The following RADX variants were observed in gnomAD, a reference collection of about 807,000 sequenced individuals.
RADX encodes RPA-related protein RADX.
RADX carries 36 observed loss-of-function variants against 61.6 expected under a neutral mutation model. That is an observed-to-expected ratio of 0.58 (90% confidence interval 0.45 to 0.77). The LOEUF (loss-of-function observed/expected upper bound fraction) is 0.77. RADX is among the 30% of genes least tolerant of loss of function. The pLI, the probability that RADX is intolerant of heterozygous loss-of-function variation, is 0.00. For synonymous variants in RADX, 272 were observed against 237.9 expected (o/e 1.14, Z -1.32); for missense variants, 497 against 651.1 (o/e 0.76, Z 2.58).
chrX:106,618,055 AAG>A (rs1195044525), intron 1 of RADX, among the ~76,000 whole-genome samples: 2 of 112,289 alleles, frequency 1.8e-5, no homozygotes, highest in African/African-American at 6.5e-5. Flanking sequence ...ATGAAAATAA[AAG>A]AGAGGGGTTT....
intron 11 of RADX, among the ~76,000 whole-genome samples, chrX:106,660,517 G>T (rs1367336060): frequency 8.9e-6 from 1 of 111,987 alleles, no homozygotes; most frequent in Non-Finnish European, 1.9e-5. Context: ...CCTTGCTATT[G>T]CAGCCACCTT....
At chrX:106,656,364 A>G (rs1187324184) in intron 11 of RADX, among the ~76,000 whole-genome samples, 3 of 111,585 alleles carry the variant, frequency 2.7e-5, no homozygotes, top group African/African-American at 9.8e-5. Flanking sequence ...TGGGGTTTGG[A>G]ATCAATTTCT....
rs180755492 is a variant in RADX, at chrX:106,645,507, G to A, written c.1905-2806G>A. 1.9e-3 allele frequency among the ~76,000 whole-genome samples: 212 copies of A among 111,005 alleles called. 1 individual carries two copies. The highest frequency in any genetic ancestry group is 4.6e-3 in the Middle Eastern group (1 of 217). ...CAATTTTCTTCTTAATTTCTTCATT[G>A]ACACATTGGTAATTGAAGAATATGC... On this transcript the variant is annotated intron_variant, in intron 10 of 13. Transcript: ENST00000372548.
At chrX:106,663,399 C>A (rs1005109249) in intron 12 of RADX, among the ~76,000 whole-genome samples, 4 of 111,417 alleles carry the variant, frequency 3.6e-5, no homozygotes, top group Admixed American at 1.9e-4. Flanking sequence ...TGCTTTTTCA[C>A]TAGAATGTAT....
Position 106,612,060 on chromosome X carries a change from C to T in RADX, c.-21C>T, listed in dbSNP as rs755383077. 7 of 1,182,817 alleles carry T rather than the reference C, an allele frequency of 5.9e-6. No individual in the cohort carries two copies. In the South Asian group the frequency reaches 1.3e-4, roughly 23 times the overall value. On this transcript the variant is annotated 5_prime_UTR_variant, in exon 1 of 14. Coordinates refer to ENST00000372548, the MANE Select transcript of RADX (RefSeq NM_018015.6). The stretch of plus-strand genomic sequence containing the variant: ...GGCAAACTAGCTTTTGGGAGTGAAG[C>T]GGGTACGCAGTTATCCAACAATGTC...
chrX:106,640,701 T>C lies in RADX; in HGVS notation c.1884T>C (p.Leu628=). The C allele has an allele frequency of 8.4e-7, 1 of 1,192,041 alleles. No homozygotes were observed. The highest frequency in any genetic ancestry group is 1.1e-6 in the Non-Finnish European group (1 of 883,690). ...NLSLSNKIRI[L]QGPHANPVAV... ...GTCTGAGCAATAAAATAAGAATTCTTCAAGGCCCACACGCTAATCCGTAAG... is the reference window on the plus strand; with the variant it reads ...GTCTGAGCAATAAAATAAGAATTCTCCAAGGCCCACACGCTAATCCGTAAG... Residue 628 remains leucine (L), a synonymous_variant, in exon 10 of 14, where the codon CTT becomes CTC. Transcript: ENST00000372548.
At chrX:106,642,038 G>A (rs1256482624) in intron 10 of RADX, among the ~76,000 whole-genome samples, 1 of 111,233 alleles carries the variant, frequency 9.0e-6, no homozygotes, top group Non-Finnish European at 1.9e-5. Context: ...GTGTGCCCGG[G>A]TGCACAGCAG....
At chrX:106,650,590 AT>A (rs769897750) in intron 11 of RADX, among the ~76,000 whole-genome samples, 92 of 110,944 alleles carry the variant, frequency 8.3e-4, no homozygotes, top group Non-Finnish European at 1.5e-3. Flanking sequence ...TATTTTTATA[AT>A]TTTTTTATAG....
Position 106,659,323 on chromosome X carries a change from A to T in RADX, c.1979-2692A>T, listed in dbSNP as rs891755867. Reference sequence around the variant, plus strand: ...GTAATGAAATGCTTGGAGTAGATTTAAAAAAAAAATTCACGATGCCTACGT... The same window carrying T: ...GTAATGAAATGCTTGGAGTAGATTTTAAAAAAAAATTCACGATGCCTACGT... On this transcript the variant is annotated intron_variant, in intron 11 of 13. Transcript: ENST00000372548. 1.9e-4 allele frequency among the ~76,000 whole-genome samples: 21 copies of T among 109,596 alleles called. 1 individual carries two copies. Among genetic ancestry groups the T allele is most frequent in the Admixed American group, 3.9e-4 (4 of 10,301 alleles).
intron 11 of RADX, among the ~76,000 whole-genome samples, chrX:106,659,965 A>C (rs1928048740): frequency 8.9e-6 from 1 of 111,988 alleles, no homozygotes; most frequent in African/African-American, 3.2e-5. Context: ...TAAATACTTA[A>C]TTTTTAAAAA....
chrX:106,635,665 G>A (rs1200119598), intron 6 of RADX, among the ~76,000 whole-genome samples: 1 of 112,054 alleles, frequency 8.9e-6, no homozygotes, highest in Non-Finnish European at 1.9e-5. Context: ...TGAATGTACA[G>A]TTGTGCTCTG....
chrX:106,618,326 A>G (rs889543002), intron 1 of RADX, among the ~76,000 whole-genome samples: 7 of 111,950 alleles, frequency 6.3e-5, no homozygotes, highest in African/African-American at 2.3e-4. Flanking sequence ...ACAGTAATTC[A>G]GTAATGCAAA....
At chrX:106,630,701 G>A (rs993070458) in intron 3 of RADX, among the ~76,000 whole-genome samples, 15 of 111,155 alleles carry the variant, frequency 1.3e-4, no homozygotes, top group East Asian at 2.8e-4. Flanking sequence ...CTTACAAGCA[G>A]GAGCTAAATG....
Position 106,630,601 on chromosome X carries a change from G to GA in RADX, c.980-2018dup, listed in dbSNP as rs762167776. On this transcript the variant is annotated intron_variant, in intron 3 of 13. Transcript: ENST00000372548. ...ACTCGCAAATTAAATTTTATACAGA[G>GA]AAAAAATAACACAAAGTATTAAAAA... Among the ~76,000 whole-genome samples, 3 of 111,101 alleles carry GA rather than the reference G, an allele frequency of 2.7e-5. No homozygotes were observed. The East Asian group carries it at 8.5e-4, about 31-fold the overall frequency.
chrX:106,661,955 A>G, intron 11 of RADX, 60 bp from the exon 12 acceptor site: 1 of 1,034,990 alleles, frequency 9.7e-7, no homozygotes, highest in Admixed American at 2.9e-5. Flanking sequence ...TTTTGCAGTG[A>G]ATGACTTGAT....
intron 3 of RADX, among the ~76,000 whole-genome samples, chrX:106,629,899 CTG>C (rs1428422546): frequency 8.9e-6 from 1 of 111,850 alleles, no homozygotes; most frequent in African/African-American, 3.2e-5. Flanking sequence ...ATATAAAAAT[CTG>C]TGTCACCCGC....
intron 12 of RADX, among the ~76,000 whole-genome samples, chrX:106,664,284 C>G (rs1365020107): frequency 7.4e-5 from 8 of 108,678 alleles, no homozygotes; most frequent in Non-Finnish European, 1.9e-5. Context: ...CCAAACAAAC[C>G]TTGGATATCT....
chrX:106,618,837 A>G (rs187219894), intron 1 of RADX, among the ~76,000 whole-genome samples: 11 of 111,180 alleles, frequency 9.9e-5, no homozygotes, highest in African/African-American at 3.6e-4. Flanking sequence ...GCCTTAGTGT[A>G]TGCTTGTCCA....
chrX:106,622,217 G>T (rs1370526906), intron 1 of RADX, among the ~76,000 whole-genome samples: 3 of 111,071 alleles, frequency 2.7e-5, no homozygotes, highest in Non-Finnish European at 5.7e-5. Context: ...CAGATTATAG[G>T]CATTAGCCAC....
Sources: allele counts gnomAD v4.1 joint callset (sites outside exome capture counted in the v4.1 genomes callset), GRCh38; gene constraint gnomAD v4.1.1; transcripts MANE v1.5; gene names NCBI Gene and HGNC (gene_info 2026-07-23, HGNC 2026-07-21).